MBOAT2: variants seen among roughly 807,000 people sequenced by gnomAD.
The protein encoded by MBOAT2 is membrane-bound glycerophospholipid O-acyltransferase 2.
MBOAT2 carries 28 observed loss-of-function variants against 63.4 expected under a neutral mutation model. That is an observed-to-expected ratio of 0.44 (90% confidence interval 0.33 to 0.61). The LOEUF (loss-of-function observed/expected upper bound fraction) is 0.61. Among genes scored for constraint, MBOAT2 ranks in the 20% least tolerant of loss-of-function variants. The pLI, the probability that MBOAT2 is intolerant of heterozygous loss-of-function variation, is 0.03. For synonymous variants in MBOAT2, 211 were observed against 215.6 expected (o/e 0.98, Z 0.19); for missense variants, 470 against 605.8 (o/e 0.78, Z 2.35).
At chr2:8,924,234 C>G (rs1666784145) in intron 3 of MBOAT2, among the ~76,000 whole-genome samples, 1 of 152,184 alleles carries the variant, frequency 6.6e-6, no homozygotes, top group Non-Finnish European at 1.5e-5. Flanking sequence ...TTGGGGTCCT[C>G]TGTAGGGCAA....
rs768074188 is a variant in MBOAT2 at position 8,862,598 on chromosome 2, C to T, written c.1177G>A (p.Ala393Thr). ...AAATTCTTGATACTTACAGCTCTTGCTGCTAATGTCATTAACACCCCTGTT... is the reference window on the plus strand; with the variant it reads ...AAATTCTTGATACTTACAGCTCTTGTTGCTAATGTCATTAACACCCCTGTT... ...FLTGVLMTLA[A>T]RAMRNNFRHY... The change falls in exon 11 of 13, where the codon GCA becomes ACA. Residue 393 changes from alanine to threonine, a missense_variant. Transcript: ENST00000305997. This position sits in a 1 kb window ranked among gnomAD's most constrained non-coding sequence, Gnocchi z 4.3. 1.2e-6 allele frequency: 2 copies of T among 1,607,890 alleles called. No homozygotes were observed. The highest frequency in any genetic ancestry group is 8.5e-7 in the Non-Finnish European group (1 of 1,178,316).
intron 4 of MBOAT2, among the ~76,000 whole-genome samples, chr2:8,890,179 A>G (rs1274160113): frequency 6.6e-6 from 1 of 152,164 alleles, no homozygotes; most frequent in Non-Finnish European, 1.5e-5. Flanking sequence ...TCCTCGAAGC[A>G]TTTTACAAGG....
At chr2:8,899,314 A>T (rs2148571695) in intron 4 of MBOAT2, among the ~76,000 whole-genome samples, 1 of 152,348 alleles carries the variant, frequency 6.6e-6, no homozygotes, top group African/African-American at 2.4e-5. Context: ...ATGTGAAAAG[A>T]GCCAAGTCTC....
chr2:8,964,583 T>C (rs1161447951), intron 1 of MBOAT2, among the ~76,000 whole-genome samples: 1 of 151,968 alleles, frequency 6.6e-6, no homozygotes, highest in Admixed American at 6.5e-5. Context: ...TTGATACACA[T>C]GGCTCTACCT....
At chr2:8,917,725 C>G (rs1666287651) in intron 3 of MBOAT2, among the ~76,000 whole-genome samples, 1 of 152,152 alleles carries the variant, frequency 6.6e-6, no homozygotes, top group Non-Finnish European at 1.5e-5. Flanking sequence ...CAATTCCTCT[C>G]CTAGGTATTT....
chr2:8,877,844 G>A (rs1662809266), intron 6 of MBOAT2, among the ~76,000 whole-genome samples: 2 of 152,274 alleles, frequency 1.3e-5, no homozygotes, highest in South Asian at 2.1e-4. Context: ...CCCCTGAGCT[G>A]GGCACGGCTG....
At chr2:8,880,773 A>T (rs977790540) in intron 6 of MBOAT2, among the ~76,000 whole-genome samples, 1 of 152,272 alleles carries the variant, frequency 6.6e-6, no homozygotes, top group African/African-American at 2.4e-5. Flanking sequence ...AAGGTATTTC[A>T]GAAGAGTGGC....
At chr2:8,881,515 G>A (rs1398883375) in intron 6 of MBOAT2, among the ~76,000 whole-genome samples, 1 of 152,182 alleles carries the variant, frequency 6.6e-6, no homozygotes, top group Non-Finnish European at 1.5e-5. Flanking sequence ...TGTTCAGGTA[G>A]GTGAAGAGGT....
chr2:8,898,812 C>G (rs1664691689), intron 4 of MBOAT2, among the ~76,000 whole-genome samples: 1 of 152,178 alleles, frequency 6.6e-6, no homozygotes, highest in Admixed American at 6.5e-5. Context: ...CCTTGAGGTC[C>G]AGAACAGTGA....
At chr2:8,973,266 G>A (rs184535156) in intron 1 of MBOAT2, among the ~76,000 whole-genome samples, 11 of 151,342 alleles carry the variant, frequency 7.3e-5, no homozygotes, top group African/African-American at 2.7e-4. Flanking sequence ...AACTATCACA[G>A]GGATAAAAAA....
intron 3 of MBOAT2, among the ~76,000 whole-genome samples, chr2:8,934,762 G>C (rs1161039228): frequency 6.6e-6 from 1 of 152,046 alleles, no homozygotes; most frequent in African/African-American, 2.4e-5. Flanking sequence ...ATTCTCTCTT[G>C]TGGGATCATG....
At chr2:8,959,464 C>CT (rs560059713) in intron 1 of MBOAT2, among the ~76,000 whole-genome samples, 5,340 of 139,294 alleles carry the variant, frequency 0.038, 130 homozygotes, top group South Asian at 0.11. Context: ...TCCTTTTTTT[C>CT]TTTTTTTTTT....
chr2:8,946,107 A>C (rs943745019), intron 2 of MBOAT2, among the ~76,000 whole-genome samples: 1 of 152,202 alleles, frequency 6.6e-6, no homozygotes, highest in Non-Finnish European at 1.5e-5. Context: ...CAGATGAATG[A>C]CTCTGAGTAA....
chr2:8,912,206 CT>C (rs1464836211), intron 3 of MBOAT2, among the ~76,000 whole-genome samples: 1 of 151,426 alleles, frequency 6.6e-6, no homozygotes, highest in Non-Finnish European at 1.5e-5. Flanking sequence ...ATTCTCCACA[CT>C]CCTCTTCAAC....
At chr2:8,879,436 G>A (rs983930985) in intron 6 of MBOAT2, among the ~76,000 whole-genome samples, 1 of 152,224 alleles carries the variant, frequency 6.6e-6, no homozygotes, top group African/African-American at 2.4e-5. Context: ...AGGTACCGAA[G>A]TAAGTAACTG....
At chr2:8,908,494 G>T (rs1020048024) in intron 4 of MBOAT2, 127 bp downstream of exon 4, 28 of 586,048 alleles carry the variant, frequency 4.8e-5, no homozygotes, top group Non-Finnish European at 8.4e-5. Flanking sequence ...AATTTAGAAA[G>T]AAATTTTCAA....
chr2:8,860,678 T>G lies in MBOAT2; in HGVS notation c.1272A>C (p.Val424=). ...ATGGCACAACTGTGTAACTTATTGC[T>G]ACTTGAGTTACTATCCATGTTATAA... ...YDVITWIVTQ[V]AISYTVVPFV... Residue 424 remains valine, a synonymous_variant, in exon 12 of 13, where the codon GTA becomes GTC. Transcript: ENST00000305997. The G allele has an allele frequency of 6.2e-7, 1 of 1,612,120 alleles. No individual in the cohort carries two copies. The highest frequency in any genetic ancestry group is 8.5e-7 in the Non-Finnish European group (1 of 1,178,454).
At chr2:8,886,804 T>C (rs1465783957) in intron 5 of MBOAT2, among the ~76,000 whole-genome samples, 1 of 152,192 alleles carries the variant, frequency 6.6e-6, no homozygotes, top group African/African-American at 2.4e-5. Context: ...ATATTCTCTT[T>C]CCAGTGTCAC....
At chr2:8,923,088 G>T (rs1457246389) in intron 3 of MBOAT2, among the ~76,000 whole-genome samples, 1 of 152,216 alleles carries the variant, frequency 6.6e-6, no homozygotes, top group Non-Finnish European at 1.5e-5. Flanking sequence ...TTCTTGAACT[G>T]ATCCTGCCCT....
Sources: gnomAD v4.1 joint callset for allele counts (sites outside exome capture counted in the v4.1 genomes callset) on GRCh38, gnomAD v4.1.1 for gene constraint, Gnocchi (gnomAD v3.1) non-coding constraint, MANE v1.5 for transcripts, NCBI Gene and HGNC (gene_info 2026-07-23, HGNC 2026-07-21) for gene names.